The following NT5DC3 variants were observed in gnomAD, a reference collection of about 807,000 sequenced individuals.
NT5DC3 encodes 5'-nucleotidase domain containing 3.
Under a neutral mutation model 67.8 loss-of-function variants are expected in NT5DC3, and 42 were observed. That is an observed-to-expected ratio of 0.62 (90% CI 0.48 to 0.80). The LOEUF is 0.80. Among genes scored for constraint, NT5DC3 ranks in the 30% least tolerant of loss-of-function variants. The probability of loss-of-function intolerance (pLI) is 0.00; values close to 1 mark genes in which losing one functional copy is unlikely to be tolerated. For synonymous variants in NT5DC3, 237 were observed against 255.6 expected, an observed-to-expected ratio of 0.93 and a Z score of 0.69; for missense variants, 570 against 696.4, an observed-to-expected ratio of 0.82 and a Z score of 2.04.
chr12:103,749,164 G>A, the NT5DC3 span: 9 of 1,585,864 alleles, frequency 5.7e-6, no homozygotes, highest in East Asian at 2.3e-5. Flanking sequence ...CCGGTGAGTC[G>A]CTCTTTCCCA....
intron 1 of NT5DC3, among the ~76,000 whole-genome samples, chr12:103,836,296 T>C (rs368105855): frequency 6.6e-6 from 1 of 152,180 alleles, no homozygotes; most frequent in African/African-American, 2.4e-5. Context: ...CAAAGTCTCA[T>C]CTAAGACAAG....
intron 1 of NT5DC3, among the ~76,000 whole-genome samples, chr12:103,836,180 C>A (rs1888139328): frequency 6.6e-6 from 1 of 152,264 alleles, no homozygotes; most frequent in African/African-American, 2.4e-5. Flanking sequence ...TCATTCCGCC[C>A]CTGGTCCCTC....
intron 13 of NT5DC3, among the ~76,000 whole-genome samples, chr12:103,778,787 CA>C (rs1885433528): frequency 6.6e-6 from 1 of 151,608 alleles, no homozygotes; most frequent in East Asian, 2.0e-4. Context: ...GCCTGGGTGA[CA>C]GAATGAGACC....
Position 103,815,034 on chromosome 12 carries a change from T to C in NT5DC3, c.296A>G (p.Tyr99Cys). Residue 99 changes from tyrosine (Y) to cysteine (C), a missense_variant, in exon 2 of 14, where the codon TAT (tyrosine) becomes TGT (cysteine). Physicochemically the swap from Tyr to Cys is radical, Grantham distance 194. This residue lies in a region of NT5DC3 where 466 missense variants were observed against 608.0 expected (regional missense o/e 0.77). Transcript: ENST00000392876. ...CAAGGTGTAATCATAATCGAAGCCA[T>C]AGATTTCAATGTCTGACAGGCTCAT... ...NEMSLSDIEIYGFDYDYTLVF... is the reference protein window; with the variant it reads ...NEMSLSDIEICGFDYDYTLVF... The C allele has an allele frequency of 6.2e-7, 1 of 1,613,626 alleles. No homozygotes were observed. The highest frequency in any genetic ancestry group is 8.5e-7 in the Non-Finnish European group (1 of 1,179,652).
At chr12:103,756,053 G>A in the NT5DC3 span, among the ~76,000 whole-genome samples, 1 of 152,074 alleles carries the variant, frequency 6.6e-6, no homozygotes, top group Non-Finnish European at 1.5e-5. Flanking sequence ...TTGTGAGCTG[G>A]TATTATCATC....
intron 1 of NT5DC3, among the ~76,000 whole-genome samples, chr12:103,822,641 T>C (rs1314331910): frequency 1.3e-5 from 2 of 152,204 alleles, no homozygotes; most frequent in Non-Finnish European, 2.9e-5. Context: ...GTGTGTTGTT[T>C]TGGGGGTGTT....
chr12:103,747,995 C>CA, the NT5DC3 span, among the ~76,000 whole-genome samples: 7,840 of 95,946 alleles, frequency 0.082, 745 homozygotes, highest in African/African-American at 0.24. Flanking sequence ...ACTCTGTCTC[C>CA]AAAAAAAAAA....
Position 103,793,411 on chromosome 12 carries a change from C to T in NT5DC3, c.916G>A (p.Val306Met). Residue 306 changes from valine (V) to methionine (M), a missense_variant and splice_region_variant, in exon 8 of 14, where the codon GTG becomes ATG. Coordinates refer to ENST00000392876, the MANE Select transcript of NT5DC3 (RefSeq NM_001031701.3). The stretch of plus-strand genomic sequence containing the variant: ...GCAATGAAACACAGAGCAACTTACA[C>T]AAAGCTACTGGGGCTATTGGTGATG... ...FLITNSPSSF[V>M]DKGMSYIVGK... 1 of 1,613,322 alleles carries T rather than the reference C, an allele frequency of 6.2e-7. No homozygotes were observed.
intron 3 of NT5DC3, 36 bp downstream of exon 3, chr12:103,806,819 C>T (rs569225164): frequency 2.3e-6 from 3 of 1,280,284 alleles, no homozygotes; most frequent in Non-Finnish European, 3.4e-6. Context: ...TTCCAAACAT[C>T]ATTAAACCAT....
chr12:103,760,411 CCA>C, the NT5DC3 span, among the ~76,000 whole-genome samples: 1 of 152,164 alleles, frequency 6.6e-6, no homozygotes, highest in Non-Finnish European at 1.5e-5. Flanking sequence ...CAGGTGCCCG[CCA>C]CCACACTCAG....
At chr12:103,782,921 G>C (rs1302073784) in intron 12 of NT5DC3, among the ~76,000 whole-genome samples, 2 of 152,110 alleles carry the variant, frequency 1.3e-5, no homozygotes, top group Non-Finnish European at 2.9e-5. Flanking sequence ...GGGAGGTGAA[G>C]GCTGCAGTGA....
At chr12:103,778,298 A>C (rs963133591) in intron 13 of NT5DC3, among the ~76,000 whole-genome samples, 6 of 152,186 alleles carry the variant, frequency 3.9e-5, no homozygotes, top group African/African-American at 1.4e-4. Context: ...GGGGAGGCCA[A>C]GGCAGGCAGA....
intron 12 of NT5DC3, among the ~76,000 whole-genome samples, chr12:103,783,854 GT>G (rs1885657662): frequency 6.6e-6 from 1 of 151,518 alleles, no homozygotes; most frequent in Admixed American, 6.6e-5. Context: ...GTGCAGTTGT[GT>G]TTGTACCTAT....
chr12:103,841,093 C>T lies in NT5DC3; in HGVS notation c.64G>A (p.Ala22Thr). The change falls in exon 1 of 14, where the codon GCT becomes ACT. Residue 22 changes from alanine to threonine, a missense_variant. Transcript: ENST00000392876. Reference sequence around the variant, plus strand: ...GCGGTCCCGCAGCCACCCCGCAAAGCCGCCGCTGTCGCTGCCCTCGCCCCG... The same window carrying T: ...GCGGTCCCGCAGCCACCCCGCAAAGTCGCCGCTGTCGCTGCCCTCGCCCCG... ...GAGARAATAA[A>T]LRGGCGTAAR... 8.3e-7 allele frequency: 1 copy of T among 1,205,858 alleles called. No homozygotes were observed. Among genetic ancestry groups the T allele is most frequent in the South Asian group, 3.0e-5 (1 of 33,718 alleles). 74.7% of individuals were successfully genotyped at this position (1,205,858 alleles called of 1,614,324 possible). A position where few individuals can be genotyped will look rare whatever the true frequency, so the allele number is the denominator to read the frequency against.
intron 2 of NT5DC3, among the ~76,000 whole-genome samples, chr12:103,814,337 G>A (rs1367186941): frequency 1.3e-5 from 2 of 152,204 alleles, no homozygotes; most frequent in Admixed American, 1.3e-4. Flanking sequence ...GTCTGAGATG[G>A]AGAGCTGAGC....
At chr12:103,818,887 G>A (rs74503365) in intron 1 of NT5DC3, among the ~76,000 whole-genome samples, 15,438 of 152,166 alleles carry the variant, frequency 0.1, 1,123 homozygotes, top group East Asian at 0.29. Context: ...ATACGACCAC[G>A]TGGCATCGTC....
At chr12:103,752,719 T>C in the NT5DC3 span, among the ~76,000 whole-genome samples, 1 of 152,216 alleles carries the variant, frequency 6.6e-6, no homozygotes, top group East Asian at 1.9e-4. Flanking sequence ...AAAATCATGT[T>C]ACCAGAGAAA....
At chr12:103,759,307 G>A in the NT5DC3 span, 7 of 1,606,612 alleles carry the variant, frequency 4.4e-6, no homozygotes. Flanking sequence ...GGGGGAACGG[G>A]AGATAATGCA....
At chr12:103,808,827 G>T (rs1886910367) in intron 2 of NT5DC3, among the ~76,000 whole-genome samples, 1 of 152,216 alleles carries the variant, frequency 6.6e-6, no homozygotes, top group Admixed American at 6.5e-5. Context: ...TAATAAGAGG[G>T]CAGACAGAAG....
Sources: allele counts gnomAD v4.1 joint callset (sites outside exome capture counted in the v4.1 genomes callset), GRCh38; gene constraint gnomAD v4.1.1; regional missense constraint gnomAD v4.1.1; transcripts MANE v1.5; gene names NCBI Gene and HGNC (gene_info 2026-07-23, HGNC 2026-07-21).